Variants in MAGI1 observed in about 807,000 individuals in gnomAD.
The protein encoded by MAGI1 is membrane-associated guanylate kinase, WW and PDZ domain-containing protein 1.
MAGI1 carries 58 observed loss-of-function variants against 139.9 expected under a neutral mutation model. That is an observed-to-expected ratio of 0.41 (90% confidence interval 0.34 to 0.52). MAGI1 has a LOEUF of 0.52. Ranked by LOEUF, MAGI1 falls within the 20% of genes least tolerant of loss-of-function variation. The probability of loss-of-function intolerance (pLI) is 0.12; values close to 1 mark genes in which losing one functional copy is unlikely to be tolerated. For synonymous variants in MAGI1, 812 were observed against 737.9 expected (o/e 1.10, Z -1.63); for missense variants, 1,874 against 1,901.6 (o/e 0.99, Z 0.27).
At chr3:65,543,755 TG>T (rs369092442) in intron 2 of MAGI1, among the ~76,000 whole-genome samples, 2,755 of 147,930 alleles carry the variant, frequency 0.019, 82 homozygotes, top group African/African-American at 0.063. Flanking sequence ...CTGTCAGGGA[TG>T]GGGGGGGGTA....
intron 1 of MAGI1, among the ~76,000 whole-genome samples, chr3:65,657,901 C>T (rs1252071025): frequency 2.0e-5 from 3 of 152,184 alleles, no homozygotes; most frequent in Admixed American, 6.5e-5. Context: ...GAAATTTTCT[C>T]ATCTGTCAAA....
At chr3:65,495,245 G>A (rs1576014808) in intron 2 of MAGI1, among the ~76,000 whole-genome samples, 1 of 152,122 alleles carries the variant, frequency 6.6e-6, no homozygotes, top group African/African-American at 2.4e-5. Flanking sequence ...CAGTATCCTT[G>A]TTTGCAAAAT....
At chr3:65,966,066 C>T (rs1008201237) in intron 1 of MAGI1, among the ~76,000 whole-genome samples, 3 of 152,202 alleles carry the variant, frequency 2.0e-5, no homozygotes, top group Non-Finnish European at 4.4e-5. Flanking sequence ...GTCCTCAAAA[C>T]TTCCATGTAT....
At chr3:65,918,585 T>C (rs1462407362) in intron 1 of MAGI1, among the ~76,000 whole-genome samples, 1 of 152,024 alleles carries the variant, frequency 6.6e-6, no homozygotes, top group African/African-American at 2.4e-5. Flanking sequence ...TTCACCATGT[T>C]GGTCAGGCTG....
At chr3:65,613,228 T>G (rs767423039) in intron 2 of MAGI1, among the ~76,000 whole-genome samples, 1 of 152,110 alleles carries the variant, frequency 6.6e-6, no homozygotes. Context: ...TACTACAGAA[T>G]ACAGAATACA....
In MAGI1 at chr3:65,949,632, G is replaced by A. The variant is rs77097421; in HGVS notation, c.313+88364C>T. ...AAGAGTTCAACTTTCTCTCCAAAGT[G>A]CTAAGATATACCACAAGTGCTACAT... On this transcript the variant is annotated intron_variant, in intron 1 of 22. Coordinates refer to ENST00000402939, the MANE Select transcript of MAGI1 (RefSeq NM_001033057.2). Among the ~76,000 whole-genome samples the A allele has an allele frequency of 3.8e-3, 573 of 152,312 alleles. 4 individuals are homozygous for A. The highest frequency in any genetic ancestry group is 0.013 in the African/African-American group (541 of 41,562).
intron 1 of MAGI1, among the ~76,000 whole-genome samples, chr3:65,795,850 A>T (rs1467430078): frequency 5.3e-5 from 8 of 151,988 alleles, no homozygotes; most frequent in Admixed American, 5.2e-4. Context: ...CAGGAGTTCA[A>T]GACCAGGCTG....
rs558270441 is a variant in MAGI1 at position 65,849,001 on chromosome 3, C to CTTTTTTTTTTTTTTT, written c.313+188980_313+188994dup. ...GCAGCTCAAGACTATTCAGAGCATTCTTTTTTTTTTTTTTTTTTTTTTTTT... is the reference window on the plus strand; with the variant it reads ...GCAGCTCAAGACTATTCAGAGCATTCTTTTTTTTTTTTTTTTTTTTTTTTTTTTTTTTTTTTTTTT... On this transcript the variant is annotated intron_variant, in intron 1 of 22. Transcript: ENST00000402939. Among the ~76,000 whole-genome samples the CTTTTTTTTTTTTTTT allele has an allele frequency of 7.6e-5, 3 of 39,644 alleles. 1 individual carries two copies. Among genetic ancestry groups the CTTTTTTTTTTTTTTT allele is most frequent in the Admixed American group, 7.7e-4 (2 of 2,584 alleles). The allele number at this position is 39,644 out of a possible 152,430, so 26.0% of individuals were successfully genotyped here.
At chr3:65,979,435 A>C (rs1037296274) in intron 1 of MAGI1, among the ~76,000 whole-genome samples, 5 of 152,142 alleles carry the variant, frequency 3.3e-5, no homozygotes, top group African/African-American at 1.2e-4. Flanking sequence ...TCTTCAGGGA[A>C]GTGCTATTTT....
At chr3:65,837,105 C>T (rs1393262328) in intron 1 of MAGI1, among the ~76,000 whole-genome samples, 1 of 152,000 alleles carries the variant, frequency 6.6e-6, no homozygotes, top group East Asian at 1.9e-4. Flanking sequence ...TGAAGGTTTT[C>T]TTCAATGCAA....
intron 1 of MAGI1, among the ~76,000 whole-genome samples, chr3:65,834,342 T>A (rs1406341602): frequency 2.6e-5 from 4 of 152,196 alleles, no homozygotes; most frequent in Admixed American, 2.6e-4. Context: ...TCAAACAGTG[T>A]GAATGAGCTT....
At chr3:66,031,163 T>C (rs2068570367) in intron 1 of MAGI1, among the ~76,000 whole-genome samples, 1 of 152,216 alleles carries the variant, frequency 6.6e-6, no homozygotes, top group African/African-American at 2.4e-5. Context: ...AGTAACCTAC[T>C]TTTTTAGGAT....
At chr3:65,619,726 A>G (rs1373384882) in intron 2 of MAGI1, 2 of 386,496 alleles carry the variant, frequency 5.2e-6, no homozygotes, top group Admixed American at 1.3e-4. Flanking sequence ...ACATAAGTCG[A>G]AAGAATCCCA....
intron 2 of MAGI1, among the ~76,000 whole-genome samples, chr3:65,559,505 T>G (rs1319005782): frequency 2.0e-5 from 3 of 152,272 alleles, no homozygotes; most frequent in African/African-American, 7.2e-5. Context: ...TTAATTCTAC[T>G]TGTTTTTCTT....
At chr3:65,848,271 G>A (rs554899745) in intron 1 of MAGI1, among the ~76,000 whole-genome samples, 27 of 152,282 alleles carry the variant, frequency 1.8e-4, no homozygotes, top group African/African-American at 5.5e-4. Context: ...AGAAACATAT[G>A]GAAGAATTAA....
intron 2 of MAGI1, among the ~76,000 whole-genome samples, chr3:65,521,780 G>A (rs769065034): frequency 4.6e-5 from 7 of 152,146 alleles, no homozygotes; most frequent in Non-Finnish European, 7.4e-5. Context: ...GTCATTATAG[G>A]ATAACAATCA....
At chr3:65,998,467 A>T (rs1375054125) in intron 1 of MAGI1, among the ~76,000 whole-genome samples, 2 of 152,212 alleles carry the variant, frequency 1.3e-5, no homozygotes, top group Non-Finnish European at 2.9e-5. Context: ...ACTTGTTAGC[A>T]CTTGCAAAAA....
chr3:65,861,102 G>A (rs1008866873), intron 1 of MAGI1, among the ~76,000 whole-genome samples: 2 of 152,110 alleles, frequency 1.3e-5, no homozygotes, highest in African/African-American at 4.8e-5. Flanking sequence ...TGATCATGGG[G>A]CCAGGGACAC....
At chr3:65,532,940 T>G (rs1192436907) in intron 2 of MAGI1, 1 of 152,214 alleles carries the variant, frequency 6.6e-6, no homozygotes, top group Non-Finnish European at 1.5e-5. Flanking sequence ...ACCGTCTCTC[T>G]CTCCTGATCT....
Sources: gnomAD v4.1 joint callset for allele counts (sites outside exome capture counted in the v4.1 genomes callset) on GRCh38, gnomAD v4.1.1 for gene constraint, MANE v1.5 for transcripts, NCBI Gene and HGNC (gene_info 2026-07-23, HGNC 2026-07-21) for gene names.